The following ADARB2 variants were observed in gnomAD, a reference collection of about 807,000 sequenced individuals.
ADARB2 encodes the protein inactive double-stranded RNA-specific editase B2.
ADARB2 carries 25 observed loss-of-function variants against 62.2 expected under a neutral mutation model. The observed-to-expected ratio is 0.40, with a 90% CI of 0.29 to 0.56. ADARB2 has a LOEUF of 0.56. ADARB2 is among the 20% of genes least tolerant of loss of function. ADARB2 has a pLI of 0.43. For synonymous variants in ADARB2, 572 were observed against 500.8 expected (o/e 1.14, Z -1.90); for missense variants, 1,071 against 1,077.4 (o/e 0.99, Z 0.08).
At position 1,566,087 on chromosome 10, in the gene ADARB2, A is replaced by C. The variant is rs1348461674; in HGVS notation, c.100+170964T>G. Among the ~76,000 whole-genome samples the C allele has an allele frequency of 6.7e-3, 916 of 136,958 alleles. 33 individuals carry two copies. Among genetic ancestry groups the C allele is most frequent in the African/African-American group, 0.019 (669 of 35,244 alleles). 89.8% of individuals were successfully genotyped at this position (136,958 alleles called of 152,430 possible). Reference sequence around the variant, plus strand: ...GCAAAAAAAAAAAAAAAAAAAAAAAAAAAAAAAAAAAAAAAAAAAAAAACT... The same window carrying C: ...GCAAAAAAAAAAAAAAAAAAAAAAACAAAAAAAAAAAAAAAAAAAAAAACT... On this transcript the variant is annotated intron_variant, in intron 1 of 9. Transcript: ENST00000381312.
intron 1 of ADARB2, among the ~76,000 whole-genome samples, chr10:1,729,046 T>G (rs1835200267): frequency 6.6e-6 from 1 of 152,230 alleles, no homozygotes; most frequent in Non-Finnish European, 1.5e-5. Context: ...TTTTCAAAAT[T>G]TCTCCTTGAG....
intron 1 of ADARB2, among the ~76,000 whole-genome samples, chr10:1,589,064 G>C (rs1833214917): frequency 6.6e-6 from 1 of 152,192 alleles, no homozygotes; most frequent in African/African-American, 2.4e-5. Context: ...CTCTTCCTCT[G>C]AATATTCCTG....
chr10:1,565,369 TG>T (rs2131988802), intron 1 of ADARB2, among the ~76,000 whole-genome samples: 1 of 152,286 alleles, frequency 6.6e-6, no homozygotes, highest in East Asian at 1.9e-4. Context: ...TATAAATACA[TG>T]GGTATGCATG....
At chr10:1,409,176 C>T (rs1472465782) in intron 1 of ADARB2, among the ~76,000 whole-genome samples, 2 of 152,226 alleles carry the variant, frequency 1.3e-5, no homozygotes, top group Non-Finnish European at 2.9e-5. Flanking sequence ...GCAGGTATCT[C>T]TGCCTTCCTC....
chr10:1,552,751 C>CT (rs1832645282), intron 1 of ADARB2, among the ~76,000 whole-genome samples: 1 of 151,980 alleles, frequency 6.6e-6, no homozygotes. Flanking sequence ...GAGAGAAGGG[C>CT]TTGAAGAGTG....
At chr10:1,501,745 A>G (rs61831918) in intron 1 of ADARB2, among the ~76,000 whole-genome samples, 22,113 of 152,186 alleles carry the variant, frequency 0.15, 2,006 homozygotes, top group Middle Eastern at 0.2. Flanking sequence ...TCCTTCAGCC[A>G]ATCCTCCATA....
intron 1 of ADARB2, among the ~76,000 whole-genome samples, chr10:1,610,821 GAC>G (rs1228584888): frequency 6.5e-5 from 7 of 107,646 alleles, no homozygotes; most frequent in East Asian, 2.3e-4. Flanking sequence ...GACACATACA[GAC>G]ACAGACATGC....
chr10:1,382,987 G>A (rs1248719239), intron 1 of ADARB2, among the ~76,000 whole-genome samples: 1 of 152,226 alleles, frequency 6.6e-6, no homozygotes, highest in Non-Finnish European at 1.5e-5. Flanking sequence ...GCCGGCCCTG[G>A]TCTAAGAGTC....
In ADARB2 at chr10:1,196,646, G is replaced by A. The variant is rs183841894; in HGVS notation, c.1864+3320C>T. The stretch of plus-strand genomic sequence containing the variant: ...TAATTTTATATTTATCATAAGCTAT[G>A]TGCCATCTAATTTGCCTAGAAAGTT... On this transcript the variant is annotated intron_variant, in intron 8 of 9. Coordinates refer to ENST00000381312, the MANE Select transcript of ADARB2 (RefSeq NM_018702.4). Among the ~76,000 whole-genome samples the A allele has an allele frequency of 2.2e-3, 333 of 152,314 alleles. 4 individuals carry two copies. The highest frequency in any genetic ancestry group is 0.013 in the Admixed American group (199 of 15,308).
At chr10:1,333,713 G>A (rs1400655505) in intron 3 of ADARB2, among the ~76,000 whole-genome samples, 1 of 152,158 alleles carries the variant, frequency 6.6e-6, no homozygotes, top group Non-Finnish European at 1.5e-5. Context: ...CCAATAAAAT[G>A]AAAAGGAAGC....
At chr10:1,248,932 G>A (rs1164099080) in intron 4 of ADARB2, among the ~76,000 whole-genome samples, 1 of 152,184 alleles carries the variant, frequency 6.6e-6, no homozygotes, top group African/African-American at 2.4e-5. Context: ...AATTGTAAGT[G>A]TTCTGGAGCA....
intron 3 of ADARB2, among the ~76,000 whole-genome samples, chr10:1,339,984 C>T (rs1050555123): frequency 1.3e-5 from 2 of 152,120 alleles, no homozygotes; most frequent in Non-Finnish European, 2.9e-5. Flanking sequence ...GGAGAGGGAA[C>T]ATGCCACACC....
chr10:1,639,909 G>T (rs1833960230), intron 1 of ADARB2, among the ~76,000 whole-genome samples: 1 of 151,792 alleles, frequency 6.6e-6, no homozygotes, highest in African/African-American at 2.4e-5. Flanking sequence ...CATGAAGAGG[G>T]CTCAGGCCAA....
chr10:1,588,027 G>A (rs2132005561), intron 1 of ADARB2, among the ~76,000 whole-genome samples: 1 of 152,230 alleles, frequency 6.6e-6, no homozygotes, highest in East Asian at 1.9e-4. Flanking sequence ...TTTATCAACA[G>A]CTGAAAGCGG....
Position 1,378,716 on chromosome 10 carries a change from G to T in ADARB2, c.187+358C>A, listed in dbSNP as rs1484804156. 3.3e-5 allele frequency among the ~76,000 whole-genome samples: 5 copies of T among 152,120 alleles called. No homozygotes were observed. In the East Asian group the frequency reaches 5.8e-4, roughly 18 times the overall value. On this transcript the variant is annotated intron_variant, in intron 2 of 9. Transcript: ENST00000381312. ...GAGGATGACACTGAAAGTGAGGATG[G>T]GACCACAGGTGAGGATGAGACTGCA...
chr10:1,542,149 C>T lies in ADARB2; in HGVS notation c.101-162989G>A, dbSNP rs373623540. On this transcript the variant is annotated intron_variant, in intron 1 of 9. Coordinates refer to ENST00000381312, the MANE Select transcript of ADARB2 (RefSeq NM_018702.4). ...GACCCTGGATCACAGCCGTCCAGAC[C>T]CCACTCAGACGTAGTTCAGACCCTG... Among the ~76,000 whole-genome samples, 6 of 31,070 alleles carry T rather than the reference C, an allele frequency of 1.9e-4. 1 individual carries two copies. The highest frequency in any genetic ancestry group is 2.7e-4 in the African/African-American group (3 of 11,156). 20.4% of individuals were successfully genotyped at this position (31,070 alleles called of 152,430 possible).
chr10:1,210,724 C>T (rs1708909797), intron 7 of ADARB2, among the ~76,000 whole-genome samples: 1 of 152,234 alleles, frequency 6.6e-6, no homozygotes, highest in African/African-American at 2.4e-5. Flanking sequence ...TTCCTGGATG[C>T]TGACCGTGTG....
intron 1 of ADARB2, among the ~76,000 whole-genome samples, chr10:1,434,407 G>A (rs897714283): frequency 6.6e-6 from 1 of 152,170 alleles, no homozygotes; most frequent in East Asian, 1.9e-4. Flanking sequence ...GGTGTGGCAG[G>A]CCAGGTCTCA....
chr10:1,646,815 C>A (rs1182446493), intron 1 of ADARB2, among the ~76,000 whole-genome samples: 1 of 152,196 alleles, frequency 6.6e-6, no homozygotes, highest in Non-Finnish European at 1.5e-5. Context: ...CCTGGAGATA[C>A]ACTGAGTGTG....
Sources: gnomAD v4.1 joint callset for allele counts (sites outside exome capture counted in the v4.1 genomes callset) on GRCh38, gnomAD v4.1.1 for gene constraint, MANE v1.5 for transcripts, NCBI Gene and HGNC (gene_info 2026-07-23, HGNC 2026-07-21) for gene names.